PLA2G4A: variants seen among roughly 807,000 people sequenced by gnomAD.
PLA2G4A encodes cytosolic phospholipase A2.
In PLA2G4A, 40 loss-of-function variants were observed where a neutral mutation model predicts 81.9. That is an observed-to-expected ratio of 0.49 (90% CI 0.38 to 0.64). The LOEUF is 0.64. PLA2G4A is among the 30% of genes least tolerant of loss of function. The probability of loss-of-function intolerance (pLI) is 0.00; values close to 1 mark genes in which losing one functional copy is unlikely to be tolerated. For missense variants in PLA2G4A, 715 were observed against 905.1 expected (o/e 0.79, Z 2.69); for synonymous variants, 302 against 296.9 (o/e 1.02, Z -0.18).
At position 186,902,058 on chromosome 1, in the gene PLA2G4A, A is replaced by C. The variant is rs1654558990; in HGVS notation, c.379-4907A>C. 2.0e-5 allele frequency among the ~76,000 whole-genome samples: 3 copies of C among 152,180 alleles called. No individual in the cohort carries two copies. The South Asian group carries it at 6.2e-4, about 31-fold the overall frequency. On this transcript the variant is annotated intron_variant, in intron 5 of 17. Coordinates refer to ENST00000367466, the MANE Select transcript of PLA2G4A (RefSeq NM_024420.3). Reference sequence around the variant, plus strand: ...ACAAACCTAGATGGTACAGCCTGCTATACACCTAGGCTATATGGTGTAGCC... The same window carrying C: ...ACAAACCTAGATGGTACAGCCTGCTCTACACCTAGGCTATATGGTGTAGCC...
In PLA2G4A at chr1:186,944,858, A is replaced by G. The variant is rs573609355; in HGVS notation, c.1034-1779A>G. Among the ~76,000 whole-genome samples the G allele has an allele frequency of 3.3e-5, 5 of 152,296 alleles. No individual in the cohort carries two copies. In the East Asian group the frequency reaches 9.6e-4, roughly 29 times the overall value. On this transcript the variant is annotated intron_variant, in intron 10 of 17. Coordinates refer to ENST00000367466, the MANE Select transcript of PLA2G4A (RefSeq NM_024420.3). ...TCTCCAATAGGATATATAAATATCC[A>G]CATTGAGTGGGATAAATGAATTATA...
At position 186,885,570 on chromosome 1, in the gene PLA2G4A, G is replaced by A. The variant is rs1021417815; in HGVS notation, c.116-7441G>A. On this transcript the variant is annotated intron_variant, in intron 3 of 17. Transcript: ENST00000367466. ...GTTGACTGAATTATAAATATTCAGC[G>A]GCTTATAGAATATGAGTGTAACAAA... Among the ~76,000 whole-genome samples, 10 of 152,006 alleles carry A rather than the reference G, an allele frequency of 6.6e-5. No individual in the cohort carries two copies. The East Asian group carries it at 7.7e-4, about 12-fold the overall frequency.
At chr1:186,949,549 T>G (rs989094783) in intron 12 of PLA2G4A, among the ~76,000 whole-genome samples, 2 of 152,120 alleles carry the variant, frequency 1.3e-5, no homozygotes, top group African/African-American at 4.8e-5. Flanking sequence ...GTAACAAAAT[T>G]ACTATTGATG....
At chr1:186,870,979 T>G (rs1653245543) in intron 3 of PLA2G4A, among the ~76,000 whole-genome samples, 1 of 152,196 alleles carries the variant, frequency 6.6e-6, no homozygotes, top group African/African-American at 2.4e-5. Flanking sequence ...GATTTTCTTG[T>G]GACGTACACA....
chr1:186,973,142 A>G (rs1657413870), intron 15 of PLA2G4A, among the ~76,000 whole-genome samples: 1 of 152,218 alleles, frequency 6.6e-6, no homozygotes, highest in South Asian at 2.1e-4. Flanking sequence ...ATGGTGACTT[A>G]CAACAACAGA....
chr1:186,856,061 CACAA>C (rs1316924114), intron 2 of PLA2G4A, among the ~76,000 whole-genome samples: 4 of 151,704 alleles, frequency 2.6e-5, no homozygotes, highest in South Asian at 2.1e-4. Context: ...AATTTACACA[CACAA>C]ACACACACAC....
intron 7 of PLA2G4A, among the ~76,000 whole-genome samples, chr1:186,913,232 T>C (rs1655026584): frequency 6.6e-6 from 1 of 151,986 alleles, no homozygotes; most frequent in South Asian, 2.1e-4. Context: ...AGAAATGATT[T>C]ATAATCCTAA....
intron 3 of PLA2G4A, among the ~76,000 whole-genome samples, chr1:186,887,651 C>CAGTG (rs1206520687): frequency 1.3e-4 from 20 of 152,166 alleles, no homozygotes; most frequent in African/African-American, 4.8e-4. Context: ...AGTGACTCAA[C>CAGTG]ACGCAATTGC....
chr1:186,843,758 C>T (rs1030627359), intron 1 of PLA2G4A, among the ~76,000 whole-genome samples: 2 of 152,162 alleles, frequency 1.3e-5, no homozygotes, highest in African/African-American at 4.8e-5. Context: ...ACGTCATGGC[C>T]TTTTCCTAGA....
chr1:186,866,541 T>C (rs41516146), intron 2 of PLA2G4A, among the ~76,000 whole-genome samples: 7,987 of 152,190 alleles, frequency 0.052, 695 homozygotes, highest in African/African-American at 0.18. Context: ...GTATGACATA[T>C]GGTTCACATT....
At chr1:186,977,830 G>C (rs746193940) in intron 16 of PLA2G4A, 42 bp downstream of exon 16, 1 of 1,290,260 alleles carries the variant, frequency 7.8e-7, no homozygotes, top group Non-Finnish European at 1.1e-6. Flanking sequence ...TAGAAATTAA[G>C]TAGGGGACGA....
At position 186,949,089 on chromosome 1, in the gene PLA2G4A, A is replaced by G. The variant is rs907025777; in HGVS notation, c.1265-1568A>G. Among the ~76,000 whole-genome samples, 4 of 152,160 alleles carry G rather than the reference A, an allele frequency of 2.6e-5. 1 individual carries two copies. The highest frequency in any genetic ancestry group is 6.6e-5 in the Admixed American group (1 of 15,266). On this transcript the variant is annotated intron_variant, in intron 12 of 17. Transcript: ENST00000367466. The stretch of plus-strand genomic sequence containing the variant: ...TTACTCTCTAAGGAGTTTTGAATGA[A>G]TGTGAAAAATTTACACTTTTGAGAG...
intron 2 of PLA2G4A, among the ~76,000 whole-genome samples, chr1:186,859,787 A>G (rs549378389): frequency 1.3e-5 from 2 of 152,326 alleles, no homozygotes; most frequent in East Asian, 1.9e-4. Context: ...AACCAGTTAC[A>G]TGATCATGGA....
At chr1:186,982,341 T>C in intron 17 of PLA2G4A, among the ~76,000 whole-genome samples, 1 of 152,226 alleles carries the variant, frequency 6.6e-6, no homozygotes, top group East Asian at 1.9e-4. Flanking sequence ...CTGCTTAAAC[T>C]TTTTGAGCCT....
intron 2 of PLA2G4A, among the ~76,000 whole-genome samples, chr1:186,864,267 GCAGATTCATCCTTGACACTCTGCTTTCA>G (rs71557875): frequency 0.76 from 116,125 of 151,888 alleles, 45,087 homozygotes; most frequent in Middle Eastern, 0.84. Flanking sequence ...ACATGGGAGT[GCAGATTCATCCTTGACACTCTGCTTTCA>G]TTTCCTTTAG....
intron 3 of PLA2G4A, among the ~76,000 whole-genome samples, chr1:186,883,859 G>T (rs929888325): frequency 2.0e-5 from 3 of 152,122 alleles, no homozygotes; most frequent in Non-Finnish European, 4.4e-5. Context: ...GAGGACAGTA[G>T]GTTGGAAACT....
rs765780918 is a variant in PLA2G4A at position 186,894,098 on chromosome 1, A to G, written c.265A>G (p.Ile89Val). Residue 89 changes from isoleucine to valine, a missense_variant and splice_region_variant, in exon 5 of 18, where the codon ATT becomes GTT. Physicochemically the swap from Ile to Val is conservative, Grantham distance 29. Transcript: ENST00000367466. The part of the protein sequence containing the change: ...LDPNQENVLE[I>V]TLMDANYVMD... ...TTGTGCTTTACATTTTACTCTGTAG[A>G]TTACGTTAATGGATGCCAATTATGT... is the stretch of plus-strand genomic sequence containing the variant. 5 of 1,172,234 alleles carry G rather than the reference A, an allele frequency of 4.3e-6. No individual in the cohort carries two copies. The African/African-American group carries it at 7.5e-5, about 18-fold the overall frequency. 72.6% of individuals were successfully genotyped at this position (1,172,234 alleles called of 1,614,324 possible).
intron 1 of PLA2G4A, among the ~76,000 whole-genome samples, chr1:186,847,524 C>T (rs1353848925): frequency 6.6e-6 from 1 of 151,992 alleles, no homozygotes; most frequent in Non-Finnish European, 1.5e-5. Context: ...GAAGCTTTGG[C>T]CAAGACCTTA....
chr1:186,873,808 T>C (rs1653372391), intron 3 of PLA2G4A, among the ~76,000 whole-genome samples: 1 of 152,058 alleles, frequency 6.6e-6, no homozygotes, highest in South Asian at 2.1e-4. Flanking sequence ...TTTCATTCCT[T>C]GTTTTCACTT....
Sources: allele counts gnomAD v4.1 joint callset (sites outside exome capture counted in the v4.1 genomes callset), GRCh38; gene constraint gnomAD v4.1.1; transcripts MANE v1.5; gene names NCBI Gene and HGNC (gene_info 2026-07-23, HGNC 2026-07-21).